PHF10: variants seen among roughly 807,000 people sequenced by gnomAD.
The protein encoded by PHF10 is PHD finger protein 10, also known as BRG1-associated factor 45a.
In PHF10, 51 loss-of-function variants were observed where a neutral mutation model predicts 68.5. The observed-to-expected ratio is 0.74, with a 90% confidence interval of 0.59 to 0.94. The LOEUF is 0.94. Ranked by LOEUF, PHF10 falls within the 40% of genes least tolerant of loss-of-function variation. The probability of loss-of-function intolerance (pLI) is 0.00; values close to 1 mark genes in which losing one functional copy is unlikely to be tolerated. For synonymous variants in PHF10, 204 were observed against 203.5 expected (o/e 1.00, Z -0.02); for missense variants, 460 against 602.6 (o/e 0.76, Z 2.48).
At position 169,723,917 on chromosome 6, in the gene PHF10, G is replaced by C; in HGVS notation, c.15C>G (p.Ala5=). The change falls in exon 1 of 12, where the codon GCC becomes GCG. Residue 5 remains alanine, a synonymous_variant. Coordinates refer to ENST00000339209, the MANE Select transcript of PHF10 (RefSeq NM_018288.4). The part of the protein sequence containing the change: MAAA[A]GPGAALSPRP... Reference sequence around the variant, plus strand: ...GCGGGGACAGCGCAGCCCCGGGCCCGGCCGCCGCCGCCATCAGCCCGAGCG... The same window carrying C: ...GCGGGGACAGCGCAGCCCCGGGCCCCGCCGCCGCCGCCATCAGCCCGAGCG... 1 of 1,034,584 alleles carries C rather than the reference G, an allele frequency of 9.7e-7. No homozygotes were observed. The highest frequency in any genetic ancestry group is 1.2e-6 in the Non-Finnish European group (1 of 857,726). 64.1% of individuals were successfully genotyped at this position (1,034,584 alleles called of 1,614,324 possible).
intron 7 of PHF10, among the ~76,000 whole-genome samples, chr6:169,714,455 C>A (rs141395572): frequency 2.5e-3 from 382 of 152,262 alleles, no homozygotes; most frequent in African/African-American, 8.7e-3. Context: ...CGGAACATAC[C>A]CTGAGCAGTG....
At chr6:169,710,478 G>GA in intron 8 of PHF10, 87 bp from the exon 9 acceptor site, 1 of 956,408 alleles carries the variant, frequency 1.0e-6, no homozygotes, top group South Asian at 1.5e-5. Flanking sequence ...AATATTCAAA[G>GA]AAAGTTTTAA....
intron 6 of PHF10, 116 bp downstream of exon 6, chr6:169,715,592 A>C (rs147058655): frequency 1.3e-6 from 1 of 791,360 alleles, no homozygotes; most frequent in East Asian, 3.0e-5. Flanking sequence ...ACAAACAAAC[A>C]AAAAAAACAC....
chr6:169,705,442 G>A, intron 10 of PHF10, 121 bp from the exon 11 acceptor site: 1 of 745,878 alleles, frequency 1.3e-6, no homozygotes, highest in Non-Finnish European at 2.2e-6. Context: ...TCGCCAAAGA[G>A]AAATGAATAT....
At chr6:169,718,641 C>G in intron 3 of PHF10, 147 bp downstream of exon 3, 1 of 549,152 alleles carries the variant, frequency 1.8e-6, no homozygotes, top group East Asian at 3.0e-5. Context: ...GCGCTCTAGC[C>G]TGGGTTACAG....
chr6:169,714,701 C>G (rs773189113), intron 7 of PHF10, 32 bp downstream of exon 7: 1 of 1,100,132 alleles, frequency 9.1e-7, no homozygotes, highest in East Asian at 2.3e-5. Context: ...TACCAATAGC[C>G]GATACCAACT....
At chr6:169,723,062 G>A (rs1387830611) in intron 1 of PHF10, among the ~76,000 whole-genome samples, 1 of 152,230 alleles carries the variant, frequency 6.6e-6, no homozygotes, top group African/African-American at 2.4e-5. Flanking sequence ...GGCTGCTACA[G>A]GACGGCTTCC....
intron 4 of PHF10, 101 bp downstream of exon 4, chr6:169,717,722 T>G (rs970529657): frequency 4.9e-6 from 3 of 608,420 alleles, no homozygotes; most frequent in Admixed American, 6.7e-5. Flanking sequence ...GTTCAATTTA[T>G]TTTATTAATT....
intron 1 of PHF10, among the ~76,000 whole-genome samples, chr6:169,722,665 C>G (rs1028307673): frequency 6.6e-6 from 1 of 152,142 alleles, no homozygotes; most frequent in African/African-American, 2.4e-5. Context: ...AATATTGTTC[C>G]CAATACATGA....
chr6:169,721,849 T>A (rs1789186775), intron 1 of PHF10, among the ~76,000 whole-genome samples: 1 of 152,236 alleles, frequency 6.6e-6, no homozygotes, highest in Non-Finnish European at 1.5e-5. Context: ...TAATGTAATA[T>A]AGCTTTCAAC....
intron 9 of PHF10, chr6:169,709,085 G>T (rs1272685793): frequency 6.6e-6 from 1 of 150,588 alleles, no homozygotes; most frequent in Non-Finnish European, 1.5e-5. Context: ...AAAAAAAAAA[G>T]AATTTTTAAG....
chr6:169,719,802 C>T (rs1330607456), intron 2 of PHF10, among the ~76,000 whole-genome samples: 1 of 151,506 alleles, frequency 6.6e-6, no homozygotes, highest in Non-Finnish European at 1.5e-5. Context: ...AAAGCACAAG[C>T]AACAAAAGAA....
At chr6:169,721,603 C>A (rs1028893206) in intron 1 of PHF10, among the ~76,000 whole-genome samples, 1 of 151,934 alleles carries the variant, frequency 6.6e-6, no homozygotes, top group Non-Finnish European at 1.5e-5. Context: ...AAAAATATAC[C>A]CTAATAAGGG....
chr6:169,710,119 A>T, intron 9 of PHF10, 117 bp downstream of exon 9: 1 of 706,734 alleles, frequency 1.4e-6, no homozygotes. Context: ...CACACCATAG[A>T]AGAACAGCTA....
In PHF10 at chr6:169,718,853, T is replaced by A. The variant is rs1789113325; in HGVS notation, c.260A>T (p.Tyr87Phe). 1 of 1,597,470 alleles carries A rather than the reference T, an allele frequency of 6.3e-7. No homozygotes were observed. The highest frequency in any genetic ancestry group is 8.6e-7 in the Non-Finnish European group (1 of 1,166,222). ...ACTGACTTGTTCTTGAAGCATATAGTATTCTCCTGTTTCATCAGGTGGCCA... is the reference window on the plus strand; with the variant it reads ...ACTGACTTGTTCTTGAAGCATATAGAATTCTCCTGTTTCATCAGGTGGCCA... ...YKWPPDETGE[Y>F]YMLQEQVSEY... The change falls in exon 3 of 12, where the codon TAC becomes TTC. Residue 87 changes from tyrosine (Y) to phenylalanine (F), a missense_variant. This residue lies in a region of PHF10 where 256 missense variants were observed against 410.5 expected (regional missense o/e 0.62). Coordinates refer to ENST00000339209, the MANE Select transcript of PHF10 (RefSeq NM_018288.4).
rs1562983689 is a variant in PHF10, at chr6:169,705,321, CCT to C, written c.1223-2_1223-1del. ...TGTCATATCCAGGCAAGAAGGATGG[CCT>C]AAATCAAAACCAGTATTAGTGGTAT... On this transcript the variant is annotated splice_acceptor_variant, in intron 10 of 11. Coordinates refer to ENST00000339209, the MANE Select transcript of PHF10 (RefSeq NM_018288.4). LOFTEE classifies it high-confidence loss of function. The C allele has an allele frequency of 3.8e-6, 6 of 1,599,944 alleles. No individual in the cohort carries two copies. The highest frequency in any genetic ancestry group is 3.4e-6 in the Non-Finnish European group (4 of 1,172,682).
At chr6:169,707,542 A>G (rs747847722) in intron 9 of PHF10, 8 of 151,974 alleles carry the variant, frequency 5.3e-5, no homozygotes, top group Non-Finnish European at 7.4e-5. Context: ...AAATACTCTA[A>G]TATCTTTCAC....
At position 169,714,774 on chromosome 6, in the gene PHF10, T is replaced by G. The variant is rs368052216; in HGVS notation, c.762A>C (p.Pro254=). ...PTERTKVSSY[P]VALIPGQFQE... ...GGAACTGTCCGGGGATGAGAGCCAC[T>G]GGGTAAGAACTGACCTTTGTTCGCT... The change falls in exon 7 of 12, where the codon CCA becomes CCC. Residue 254 remains proline, a synonymous_variant. Transcript: ENST00000339209. 6.2e-7 allele frequency: 1 copy of G among 1,603,806 alleles called. No homozygotes were observed. Among genetic ancestry groups the G allele is most frequent in the African/African-American group, 1.3e-5 (1 of 74,688 alleles).
intron 4 of PHF10, among the ~76,000 whole-genome samples, chr6:169,716,369 T>C (rs1235545137): frequency 6.6e-6 from 1 of 152,080 alleles, no homozygotes; most frequent in East Asian, 1.9e-4. Flanking sequence ...ATCCCTTTAG[T>C]TGGAAACAAC....
Sources: gnomAD v4.1 joint callset for allele counts (sites outside exome capture counted in the v4.1 genomes callset) on GRCh38, gnomAD v4.1.1 for gene constraint, gnomAD v4.1.1 regional missense constraint, MANE v1.5 for transcripts, NCBI Gene and HGNC (gene_info 2026-07-23, HGNC 2026-07-21) for gene names.